Variants in SMYD2 observed in about 807,000 individuals in gnomAD.
SMYD2 encodes the protein SET and MYND domain containing 2.
In SMYD2, 53 loss-of-function variants were observed where a neutral mutation model predicts 59.1. That is an observed-to-expected ratio of 0.90 (90% CI 0.72 to 1.13). SMYD2 has a LOEUF of 1.13. SMYD2 is among the 50% of genes most tolerant of loss of function. The probability of loss-of-function intolerance (pLI) is 0.00; values close to 1 mark genes in which losing one functional copy is unlikely to be tolerated. For missense variants in SMYD2, 494 were observed against 544.7 expected, an observed-to-expected ratio of 0.91 and a Z score of 0.93; for synonymous variants, 208 against 198.8, an observed-to-expected ratio of 1.05 and a Z score of -0.39.
In SMYD2 at chr1:214,281,211, A is replaced by C. The variant is rs1656433949; in HGVS notation, c.-44A>C. On this transcript the variant is annotated 5_prime_UTR_variant, in exon 1 of 12. Transcript: ENST00000366957. ...GCGTCTCCAATAACAGCTCGCCGGG[A>C]GCCGCAGCTCGGGCACAGCCGGCGG... The C allele has an allele frequency of 8.3e-7, 1 of 1,211,328 alleles. No individual in the cohort carries two copies. Among genetic ancestry groups the C allele is most frequent in the African/African-American group, 1.6e-5 (1 of 63,056 alleles). 75.0% of individuals were successfully genotyped at this position (1,211,328 alleles called of 1,614,324 possible). A position where few individuals can be genotyped will look rare whatever the true frequency, so the allele number is the denominator to read the frequency against.
chr1:214,302,773 C>T (rs1054029282), intron 1 of SMYD2, among the ~76,000 whole-genome samples: 3 of 152,260 alleles, frequency 2.0e-5, no homozygotes, highest in Non-Finnish European at 2.9e-5. Flanking sequence ...TGGGATGTTA[C>T]GTGGAGACTG....
chr1:214,284,253 G>GTTTTTTTTT (rs1259451106), intron 1 of SMYD2, among the ~76,000 whole-genome samples: 6 of 76,822 alleles, frequency 7.8e-5, no homozygotes, highest in East Asian at 2.8e-4. Context: ...TTTTTGGTGT[G>GTTTTTTTTT]GTTTTTTTTT....
intron 10 of SMYD2, 46 bp downstream of exon 10, chr1:214,332,238 T>G: frequency 6.2e-7 from 1 of 1,600,978 alleles, no homozygotes; most frequent in Non-Finnish European, 8.5e-7. Context: ...GGAATTTGGT[T>G]GTTTAGAATG....
chr1:214,329,396 A>G lies in SMYD2; in HGVS notation c.706-772A>G, dbSNP rs570696670. ...ATCTGTTCAGTCAGACATTTGCCTG[A>G]TTGTGTGGGATGAGTAGCCAGTGCT... On this transcript the variant is annotated intron_variant, in intron 7 of 11. Coordinates refer to ENST00000366957, the MANE Select transcript of SMYD2 (RefSeq NM_020197.3). Among the ~76,000 whole-genome samples the G allele has an allele frequency of 4.7e-4, 72 of 152,194 alleles. 1 individual carries two copies. Among genetic ancestry groups the G allele is most frequent in the African/African-American group, 1.6e-3 (67 of 41,530 alleles).
chr1:214,334,435 C>A, intron 11 of SMYD2, 127 bp downstream of exon 11: 1 of 846,088 alleles, frequency 1.2e-6, no homozygotes, highest in Non-Finnish European at 1.9e-6. Context: ...CACCCTCTTG[C>A]CGTGGGAGCA....
At chr1:214,332,740 G>C (rs978523815) in intron 10 of SMYD2, 1 of 152,790 alleles carries the variant, frequency 6.5e-6, no homozygotes, top group African/African-American at 2.4e-5. Context: ...GCCCTGGAGA[G>C]ATTTCCTGCC....
chr1:214,300,393 C>A (rs561432623), intron 1 of SMYD2, among the ~76,000 whole-genome samples: 4 of 152,256 alleles, frequency 2.6e-5, no homozygotes, highest in African/African-American at 7.2e-5. Flanking sequence ...TGTTTTCTTA[C>A]AATCTGTTTC....
At chr1:214,299,755 C>G (rs895963361) in intron 1 of SMYD2, among the ~76,000 whole-genome samples, 5 of 152,096 alleles carry the variant, frequency 3.3e-5, no homozygotes, top group African/African-American at 1.2e-4. Context: ...TACAGGCGCC[C>G]GCCACCACGC....
rs76235051 is a variant in SMYD2, at chr1:214,295,752, C to G, written c.174-9435C>G. On this transcript the variant is annotated intron_variant, in intron 1 of 11. Coordinates refer to ENST00000366957, the MANE Select transcript of SMYD2 (RefSeq NM_020197.3). ...TTAAAGTGATGTATGGAGCACCTTT[C>G]AGTATTACAGAAAAACCTGTAGCCT... Among the ~76,000 whole-genome samples, 583 of 152,318 alleles carry G rather than the reference C, an allele frequency of 3.8e-3. 3 individuals are homozygous for G. Among genetic ancestry groups the G allele is most frequent in the Non-Finnish European group, 6.8e-3 (464 of 68,034 alleles).
At chr1:214,314,408 G>A (rs76417340) in intron 2 of SMYD2, among the ~76,000 whole-genome samples, 133 of 152,270 alleles carry the variant, frequency 8.7e-4, no homozygotes, top group African/African-American at 3.0e-3. Flanking sequence ...CAAATCAATG[G>A]CTGATACTCA....
intron 6 of SMYD2, among the ~76,000 whole-genome samples, chr1:214,325,189 G>C (rs753452648): frequency 2.6e-5 from 4 of 152,176 alleles, no homozygotes; most frequent in Non-Finnish European, 5.9e-5. Flanking sequence ...TGAAGTAGTG[G>C]GCCGGATAAA....
In SMYD2 at chr1:214,332,178, C is replaced by G. The variant is rs1275067168; in HGVS notation, c.1098C>G (p.Ile366Met). The change falls in exon 10 of 12, where the codon ATC (isoleucine) becomes ATG (methionine). Residue 366 changes from isoleucine (I) to methionine (M), a missense_variant. Transcript: ENST00000366957. ...WEGALQYGQK[I>M]IKPYSKHYPL... ...GAGCCCTGCAATATGGACAGAAAATCATTAAGCCCTACAGGTGATTGCAGA... is the reference window on the plus strand; with the variant it reads ...GAGCCCTGCAATATGGACAGAAAATGATTAAGCCCTACAGGTGATTGCAGA... 6.2e-7 allele frequency: 1 copy of G among 1,613,876 alleles called. No individual in the cohort carries two copies. Among genetic ancestry groups the G allele is most frequent in the East Asian group, 2.2e-5 (1 of 44,890 alleles).
intron 1 of SMYD2, among the ~76,000 whole-genome samples, chr1:214,292,716 C>T (rs1331270480): frequency 6.6e-6 from 1 of 152,126 alleles, no homozygotes; most frequent in Non-Finnish European, 1.5e-5. Flanking sequence ...TGACTCCCTG[C>T]TTTCTTCAGG....
chr1:214,318,905 C>T lies in SMYD2; in HGVS notation c.456C>T (p.Asp152=), dbSNP rs1657127354. ...DNEKKDLIQS[D]IAALHHFYSK... Reference sequence around the variant, plus strand: ...AGAAGAAGGATTTGATTCAGAGTGACATAGCTGCTCTCCATCACTTTTACT... The same window carrying T: ...AGAAGAAGGATTTGATTCAGAGTGATATAGCTGCTCTCCATCACTTTTACT... The change falls in exon 5 of 12, where the codon GAC becomes GAT. Residue 152 remains aspartate (D), a synonymous_variant. Coordinates refer to ENST00000366957, the MANE Select transcript of SMYD2 (RefSeq NM_020197.3). The surrounding 1 kb of genome is among the most constrained non-coding windows in gnomAD (Gnocchi z 5.4). The T allele has an allele frequency of 6.2e-7, 1 of 1,613,890 alleles. No individual in the cohort carries two copies. Among genetic ancestry groups the T allele is most frequent in the East Asian group, 2.2e-5 (1 of 44,886 alleles).
At chr1:214,293,570 G>A (rs1014962429) in intron 1 of SMYD2, among the ~76,000 whole-genome samples, 1 of 152,140 alleles carries the variant, frequency 6.6e-6, no homozygotes, top group Admixed American at 6.5e-5. Flanking sequence ...TCAGTCCTAG[G>A]GGTAGCTTTC....
At chr1:214,325,099 G>A (rs1367441774) in intron 6 of SMYD2, among the ~76,000 whole-genome samples, 2 of 152,208 alleles carry the variant, frequency 1.3e-5, no homozygotes, top group Admixed American at 6.5e-5. Context: ...CTTGAGTACA[G>A]ACTATATGAG....
intron 1 of SMYD2, among the ~76,000 whole-genome samples, chr1:214,292,042 CAT>C (rs1282311412): frequency 6.6e-6 from 1 of 151,724 alleles, no homozygotes; most frequent in Non-Finnish European, 1.5e-5. Flanking sequence ...GATTTCTGCA[CAT>C]GTTCCAGCTT....
intron 1 of SMYD2, among the ~76,000 whole-genome samples, chr1:214,300,083 C>T (rs541114052): frequency 6.6e-6 from 1 of 152,178 alleles, no homozygotes; most frequent in Non-Finnish European, 1.5e-5. Flanking sequence ...CAAACCTTAG[C>T]ATCATGCAAA....
intron 2 of SMYD2, among the ~76,000 whole-genome samples, chr1:214,309,932 C>A (rs1656973637): frequency 6.6e-6 from 1 of 152,196 alleles, no homozygotes; most frequent in Admixed American, 6.5e-5. Flanking sequence ...CACACTTCTT[C>A]TCAAGGATCA....
Sources: allele counts gnomAD v4.1 joint callset (sites outside exome capture counted in the v4.1 genomes callset), GRCh38; gene constraint gnomAD v4.1.1; non-coding constraint Gnocchi (gnomAD v3.1); transcripts MANE v1.5; gene names NCBI Gene and HGNC (gene_info 2026-07-23, HGNC 2026-07-21).